The following UBTD1 variants were observed in gnomAD, a reference collection of about 807,000 sequenced individuals.
The protein encoded by UBTD1 is ubiquitin domain containing 1, also known as ubiquitin domain-containing protein 1.
Under a neutral mutation model 21.7 loss-of-function variants are expected in UBTD1, and 19 were observed. The observed-to-expected ratio is 0.87, with a 90% CI of 0.61 to 1.28. The LOEUF (loss-of-function observed/expected upper bound fraction) is 1.28, where lower values mean the gene tolerates loss of function less well. Ranked by LOEUF, UBTD1 falls within the 50% of genes most tolerant of loss-of-function variation. UBTD1 has a pLI of 0.00. For missense variants in UBTD1, 282 were observed against 315.1 expected, an observed-to-expected ratio of 0.89 and a Z score of 0.80; for synonymous variants, 116 against 135.1, an observed-to-expected ratio of 0.86 and a Z score of 0.98.
intron 1 of UBTD1, among the ~76,000 whole-genome samples, chr10:97,499,641 C>T (rs1012779611): frequency 1.3e-5 from 2 of 152,124 alleles, no homozygotes; most frequent in African/African-American, 4.8e-5. Context: ...CGGGGCACGG[C>T]GCGGGCAGCC....
At chr10:97,550,834 T>C (rs925424113) in intron 1 of UBTD1, among the ~76,000 whole-genome samples, 3 of 152,136 alleles carry the variant, frequency 2.0e-5, no homozygotes, top group Non-Finnish European at 2.9e-5. Flanking sequence ...CTCCTTTCGG[T>C]GCCCTCCCTT....
intron 1 of UBTD1, among the ~76,000 whole-genome samples, chr10:97,555,725 GTTC>G (rs933103129): frequency 2.8e-4 from 42 of 152,192 alleles, no homozygotes; most frequent in Non-Finnish European, 4.9e-4. Flanking sequence ...GTTTCGCAGT[GTTC>G]TTCTATACAA....
intron 1 of UBTD1, among the ~76,000 whole-genome samples, chr10:97,525,392 G>A (rs2040484062): frequency 6.6e-6 from 1 of 152,226 alleles, no homozygotes; most frequent in African/African-American, 2.4e-5. Context: ...GCTGAGAGCA[G>A]TGTGGCTGAG....
chr10:97,499,150 A>C lies in UBTD1; in HGVS notation c.-54A>C. 6.7e-7 allele frequency: 1 copy of C among 1,492,888 alleles called. No individual in the cohort carries two copies. The highest frequency in any genetic ancestry group is 9.0e-7 in the Non-Finnish European group (1 of 1,115,218). 92.5% of individuals were successfully genotyped at this position (1,492,888 alleles called of 1,614,324 possible). A position where few individuals can be genotyped will look rare whatever the true frequency, so the allele number is the denominator to read the frequency against. On this transcript the variant is annotated 5_prime_UTR_variant, in exon 1 of 3. Coordinates refer to ENST00000370664, the MANE Select transcript of UBTD1 (RefSeq NM_024954.5). ...TGACCCGGGACGCCGCCGTCCGCTG[A>C]GCAGCCGACCACCCCGCCGCCTCCG... is the stretch of plus-strand genomic sequence containing the variant.
chr10:97,499,231 C>T lies in UBTD1; in HGVS notation c.28C>T (p.Arg10Trp). The change falls in exon 1 of 3, where the codon CGG becomes TGG. Residue 10 changes from arginine (R) to tryptophan (W), a missense_variant. Transcript: ENST00000370664. ...GGGCAACTGCGTGGGGAGACAGCGC[C>T]GGGAGAGGCCGGCAGCCCCGGGACA... Reference protein sequence around the residue: MGNCVGRQRRERPAAPGHPR... With the variant: MGNCVGRQRWERPAAPGHPR... 2 of 1,548,054 alleles carry T rather than the reference C, an allele frequency of 1.3e-6. No individual in the cohort carries two copies. The highest frequency in any genetic ancestry group is 1.2e-5 in the South Asian group (1 of 83,546).
At position 97,510,353 on chromosome 10, in the gene UBTD1, A is replaced by C. The variant is rs145764729; in HGVS notation, c.70+11080A>C. ...CCTTTGGTGACAGGTCATTATGACA[A>C]ATGTTTTATTCATTTAGTACAAATT... On this transcript the variant is annotated intron_variant, in intron 1 of 2. Coordinates refer to ENST00000370664, the MANE Select transcript of UBTD1 (RefSeq NM_024954.5). Among the ~76,000 whole-genome samples, 786 of 152,350 alleles carry C rather than the reference A, an allele frequency of 5.2e-3. 5 individuals are homozygous for C. The highest frequency in any genetic ancestry group is 0.024 in the Middle Eastern group (7 of 294).
At chr10:97,519,063 T>C (rs7908417) in intron 1 of UBTD1, among the ~76,000 whole-genome samples, 122,032 of 152,200 alleles carry the variant, frequency 0.8, 50,351 homozygotes, top group East Asian at 0.98. Context: ...ACTCTCCTAA[T>C]CACTAGAGGA....
At chr10:97,527,871 A>G (rs1397813988) in intron 1 of UBTD1, among the ~76,000 whole-genome samples, 3 of 152,190 alleles carry the variant, frequency 2.0e-5, no homozygotes, top group African/African-American at 7.2e-5. Context: ...AGACACAGCA[A>G]CCATCCGATT....
chr10:97,567,374 A>G (rs903499262), intron 1 of UBTD1, among the ~76,000 whole-genome samples: 1 of 136,854 alleles, frequency 7.3e-6, no homozygotes, highest in African/African-American at 2.6e-5. Context: ...GCCCCACATC[A>G]TGTGGGAAGG....
At chr10:97,503,043 A>C (rs372243684) in intron 1 of UBTD1, among the ~76,000 whole-genome samples, 3 of 151,530 alleles carry the variant, frequency 2.0e-5, no homozygotes, top group East Asian at 3.9e-4. Context: ...CAGTCTTCCC[A>C]GTAGCTAGGG....
At chr10:97,504,322 C>CT (rs11393894) in intron 1 of UBTD1, among the ~76,000 whole-genome samples, 98,739 of 151,876 alleles carry the variant, frequency 0.65, 32,786 homozygotes, top group East Asian at 0.8. Context: ...TTGCTCAAGC[C>CT]TCCTGTGACA....
chr10:97,544,277 G>C (rs893356725), intron 1 of UBTD1, among the ~76,000 whole-genome samples: 9 of 130,662 alleles, frequency 6.9e-5, no homozygotes, highest in African/African-American at 2.4e-4. Context: ...TGGGTGACGA[G>C]AGAAACTCTG....
chr10:97,567,464 G>A (rs2135689975), intron 1 of UBTD1, among the ~76,000 whole-genome samples: 1 of 150,662 alleles, frequency 6.6e-6, no homozygotes, highest in African/African-American at 2.4e-5. Flanking sequence ...TTTGAGACCA[G>A]CCTGACTAAC....
chr10:97,537,256 A>T (rs2040567206), intron 1 of UBTD1, among the ~76,000 whole-genome samples: 1 of 152,140 alleles, frequency 6.6e-6, no homozygotes, highest in Admixed American at 6.5e-5. Context: ...GCACCCTGGT[A>T]ATCATCACCC....
intron 1 of UBTD1, among the ~76,000 whole-genome samples, chr10:97,500,645 C>A (rs192681538): frequency 6.6e-6 from 1 of 152,192 alleles, no homozygotes; most frequent in Non-Finnish European, 1.5e-5. Flanking sequence ...ACATTCCCCC[C>A]CTTCCTTTCT....
At chr10:97,563,839 A>G (rs2040704937) in intron 1 of UBTD1, among the ~76,000 whole-genome samples, 1 of 152,180 alleles carries the variant, frequency 6.6e-6, no homozygotes, top group African/African-American at 2.4e-5. Context: ...AGATAGGGTA[A>G]GGAAGAATAG....
intron 1 of UBTD1, among the ~76,000 whole-genome samples, chr10:97,559,273 C>T (rs1442377265): frequency 6.6e-6 from 1 of 152,200 alleles, no homozygotes. Flanking sequence ...CACGCCTGGT[C>T]GACTGGAGGA....
rs74773350 is a variant in UBTD1 at position 97,562,121 on chromosome 10, G to A, written c.71-5793G>A. 1.1e-3 allele frequency among the ~76,000 whole-genome samples: 165 copies of A among 152,202 alleles called. 3 individuals are homozygous for A. The East Asian group carries it at 0.03, about 28-fold the overall frequency. ...AGCTGACCAGCATTAACATTAAAACGGTCCAGGCGTGGTGGCTCACGTCTG... is the reference window on the plus strand; with the variant it reads ...AGCTGACCAGCATTAACATTAAAACAGTCCAGGCGTGGTGGCTCACGTCTG... On this transcript the variant is annotated intron_variant, in intron 1 of 2. Transcript: ENST00000370664.
intron 1 of UBTD1, among the ~76,000 whole-genome samples, chr10:97,529,011 G>T (rs1451174649): frequency 6.6e-6 from 1 of 152,046 alleles, no homozygotes; most frequent in Non-Finnish European, 1.5e-5. Context: ...TCCCAGACGG[G>T]GTGGCAGCCG....
Sources: gnomAD v4.1 joint callset for allele counts (sites outside exome capture counted in the v4.1 genomes callset) on GRCh38, gnomAD v4.1.1 for gene constraint, MANE v1.5 for transcripts, NCBI Gene and HGNC (gene_info 2026-07-23, HGNC 2026-07-21) for gene names.